PPM1L: variants seen among roughly 807,000 people sequenced by gnomAD.
PPM1L encodes the protein protein phosphatase 1L.
Under a neutral mutation model 31.4 loss-of-function variants are expected in PPM1L, and 13 were observed. The ratio of observed to expected loss-of-function variants is 0.41; its 90% CI spans 0.27 to 0.66. PPM1L has a LOEUF of 0.66. Ranked by LOEUF, PPM1L falls within the 30% of genes least tolerant of loss-of-function variation. The probability of loss-of-function intolerance (pLI) is 0.29; values close to 1 mark genes in which losing one functional copy is unlikely to be tolerated. For synonymous variants in PPM1L, 184 were observed against 175.4 expected (o/e 1.05, Z -0.39); for missense variants, 326 against 453.7 (o/e 0.72, Z 2.56).
intron 2 of PPM1L, among the ~76,000 whole-genome samples, chr3:160,988,353 CT>C (rs1717032130): frequency 6.6e-6 from 1 of 152,124 alleles, no homozygotes; most frequent in South Asian, 2.1e-4. Context: ...CAGACTTGAC[CT>C]TAAGCAAAAT....
intron 1 of PPM1L, among the ~76,000 whole-genome samples, chr3:160,811,422 A>T (rs773986094): frequency 1.7e-4 from 26 of 152,382 alleles, no homozygotes; most frequent in Middle Eastern, 3.4e-3. Context: ...CAGTTTTTGT[A>T]TAGCCTCATG....
chr3:160,939,402 C>T (rs1715087123), intron 1 of PPM1L, among the ~76,000 whole-genome samples: 1 of 152,154 alleles, frequency 6.6e-6, no homozygotes, highest in Non-Finnish European at 1.5e-5. Flanking sequence ...CCTTACATCC[C>T]TCAAAATTTG....
chr3:160,821,528 C>A (rs1055041925), intron 1 of PPM1L, among the ~76,000 whole-genome samples: 1 of 151,932 alleles, frequency 6.6e-6, no homozygotes, highest in East Asian at 1.9e-4. Context: ...CTTAAGAAAT[C>A]TTTTTTGCTT....
chr3:160,818,900 A>T (rs1043677933), intron 1 of PPM1L, among the ~76,000 whole-genome samples: 2 of 151,786 alleles, frequency 1.3e-5, no homozygotes, highest in African/African-American at 4.8e-5. Flanking sequence ...TTATTTATTT[A>T]TTTATTTTTT....
chr3:160,987,570 T>G (rs993346982), intron 2 of PPM1L, among the ~76,000 whole-genome samples: 1 of 152,228 alleles, frequency 6.6e-6, no homozygotes, highest in Admixed American at 6.5e-5. Context: ...GAAGAGACAG[T>G]GCTCTTACCT....
chr3:160,925,597 T>C (rs889275214), intron 1 of PPM1L, among the ~76,000 whole-genome samples: 1 of 152,218 alleles, frequency 6.6e-6, no homozygotes, highest in Non-Finnish European at 1.5e-5. Flanking sequence ...AGACCAACTC[T>C]TAATTCATTA....
intron 1 of PPM1L, among the ~76,000 whole-genome samples, chr3:160,950,553 C>T (rs1029308902): frequency 6.6e-6 from 1 of 152,164 alleles, no homozygotes; most frequent in Admixed American, 6.5e-5. Flanking sequence ...AACTGGCATT[C>T]GTCTGGAGCT....
chr3:160,986,404 T>C (rs1053219671), intron 2 of PPM1L, among the ~76,000 whole-genome samples: 1 of 152,130 alleles, frequency 6.6e-6, no homozygotes, highest in Non-Finnish European at 1.5e-5. Flanking sequence ...TCCTGAGGCC[T>C]GAGTTTTACA....
At chr3:160,797,100 C>T (rs566770369) in intron 1 of PPM1L, among the ~76,000 whole-genome samples, 3 of 152,218 alleles carry the variant, frequency 2.0e-5, no homozygotes, top group East Asian at 1.9e-4. Context: ...ATTGAAGGTT[C>T]GTGGCAACCC....
At chr3:160,908,990 A>G (rs1457398161) in intron 1 of PPM1L, among the ~76,000 whole-genome samples, 2 of 152,234 alleles carry the variant, frequency 1.3e-5, no homozygotes, top group Admixed American at 1.3e-4. Flanking sequence ...TGAACAACAT[A>G]TACAAGCAAT....
At chr3:160,760,908 C>G (rs1381940717) in intron 1 of PPM1L, among the ~76,000 whole-genome samples, 1 of 152,018 alleles carries the variant, frequency 6.6e-6, no homozygotes, top group African/African-American at 2.4e-5. Context: ...TGGTTAAAGC[C>G]CAGAGTTCCA....
At chr3:161,060,059 A>G (rs1480041537) in intron 2 of PPM1L, among the ~76,000 whole-genome samples, 1 of 152,156 alleles carries the variant, frequency 6.6e-6, no homozygotes, top group South Asian at 2.1e-4. Flanking sequence ...TATCTTGTGA[A>G]GTTTATATTC....
At chr3:160,766,471 A>G (rs1191656957) in intron 1 of PPM1L, among the ~76,000 whole-genome samples, 1 of 151,994 alleles carries the variant, frequency 6.6e-6, no homozygotes, top group Non-Finnish European at 1.5e-5. Context: ...TTCTCATGAG[A>G]TCTGATGGTT....
At chr3:160,786,316 C>G (rs1194095494) in intron 1 of PPM1L, among the ~76,000 whole-genome samples, 2 of 144,238 alleles carry the variant, frequency 1.4e-5, no homozygotes, top group Non-Finnish European at 3.0e-5. Flanking sequence ...CTCTCGAGTT[C>G]AAGCGATTCT....
Position 160,919,531 on chromosome 3 carries a change from G to A in PPM1L, c.400-42205G>A, listed in dbSNP as rs540878209. Among the ~76,000 whole-genome samples the A allele has an allele frequency of 1.3e-4, 20 of 152,298 alleles. No individual in the cohort carries two copies. In the East Asian group the frequency reaches 2.9e-3, roughly 22 times the overall value. On this transcript the variant is annotated intron_variant, in intron 1 of 3. Coordinates refer to ENST00000498165, the MANE Select transcript of PPM1L (RefSeq NM_139245.4). The stretch of plus-strand genomic sequence containing the variant: ...ATGGATGGAGGAAGGCTCTTGGAGC[G>A]AGAGAGGACGTCTGTTGCAAATATT...
At chr3:161,014,240 T>G (rs1019187961) in intron 2 of PPM1L, among the ~76,000 whole-genome samples, 12 of 152,278 alleles carry the variant, frequency 7.9e-5, no homozygotes, top group African/African-American at 2.9e-4. Flanking sequence ...TACTATTAAT[T>G]AAGCACAGGA....
chr3:160,828,506 G>C (rs539908843), intron 1 of PPM1L, among the ~76,000 whole-genome samples: 1 of 152,100 alleles, frequency 6.6e-6, no homozygotes, highest in Non-Finnish European at 1.5e-5. Flanking sequence ...CCCTTATTCT[G>C]TAAAACAGAG....
intron 1 of PPM1L, among the ~76,000 whole-genome samples, chr3:160,903,431 C>T (rs1713630233): frequency 6.6e-6 from 1 of 151,988 alleles, no homozygotes; most frequent in South Asian, 2.1e-4. Flanking sequence ...ATAAGACTCA[C>T]CCATATTATG....
At chr3:160,983,115 G>A (rs1049396084) in intron 2 of PPM1L, among the ~76,000 whole-genome samples, 1 of 152,184 alleles carries the variant, frequency 6.6e-6, no homozygotes, top group Non-Finnish European at 1.5e-5. Flanking sequence ...CTTGTGAGAA[G>A]TATTGGCCCC....
Sources: allele counts gnomAD v4.1 joint callset (sites outside exome capture counted in the v4.1 genomes callset), GRCh38; gene constraint gnomAD v4.1.1; transcripts MANE v1.5; gene names NCBI Gene and HGNC (gene_info 2026-07-23, HGNC 2026-07-21).